Variants in DSG4 observed in about 807,000 individuals in gnomAD.
DSG4 encodes the protein desmoglein 4, also known as desmoglein-4.
A neutral mutation model predicts 93.1 loss-of-function variants in DSG4; 87 were observed. The ratio of observed to expected loss-of-function variants is 0.93; its 90% confidence interval spans 0.79 to 1.12. DSG4 has a LOEUF of 1.12. Among genes scored for constraint, DSG4 ranks in the 50% most tolerant of loss-of-function variants. The pLI is 0.00. For synonymous variants in DSG4, 432 were observed against 452.9 expected (o/e 0.95, Z 0.59); for missense variants, 1,373 against 1,285.7 (o/e 1.07, Z -1.04).
chr18:31,391,259 A>T lies in DSG4; in HGVS notation c.819+47A>T, dbSNP rs1386550363. On this transcript the variant is annotated intron_variant, in intron 7 of 15. Coordinates refer to ENST00000308128, the MANE Select transcript of DSG4 (RefSeq NM_177986.5). ...CCTTTTTCCATAAGTGTCAATAATC[A>T]ATTTGCATAAGTGTCAATAATCAAT... 5 of 1,610,544 alleles carry T rather than the reference A, an allele frequency of 3.1e-6. No homozygotes were observed. The Admixed American group carries it at 8.3e-5, about 27-fold the overall frequency.
At chr18:31,386,574 C>G in intron 2 of DSG4, 114 bp from the exon 3 acceptor site, 7 of 1,488,108 alleles carry the variant, frequency 4.7e-6, no homozygotes, top group Non-Finnish European at 6.5e-6. Context: ...ATTCTCTGTT[C>G]TTCAAATTCA....
Position 31,391,148 on chromosome 18 carries a change from A to G in DSG4, c.755A>G (p.Glu252Gly). 1 of 1,613,816 alleles carries G rather than the reference A, an allele frequency of 6.2e-7. No homozygotes were observed. The highest frequency in any genetic ancestry group is 8.5e-7 in the Non-Finnish European group (1 of 1,179,782). ...GGAGCTGCAGATGGACTGTCTTCTG[A>G]GTGTGACTGTAGAATCAAGGTTTTA... ...RDGAADGLSS[E>G]CDCRIKVLDV... The change falls in exon 7 of 16, where the codon GAG becomes GGG. Residue 252 changes from glutamate (E) to glycine (G), a missense_variant. Coordinates refer to ENST00000308128, the MANE Select transcript of DSG4 (RefSeq NM_177986.5).
chr18:31,385,040 A>C, intron 1 of DSG4, 96 bp from the exon 2 acceptor site: 3 of 1,075,644 alleles, frequency 2.8e-6, no homozygotes, highest in Non-Finnish European at 4.3e-6. Context: ...TATATTTAAA[A>C]ATGAATTAAT....
chr18:31,396,415 G>A (rs1016472609), intron 8 of DSG4, among the ~76,000 whole-genome samples: 1 of 137,436 alleles, frequency 7.3e-6, no homozygotes, highest in Non-Finnish European at 1.5e-5. Flanking sequence ...TCAGGCTGGA[G>A]TGCAGTGGTG....
intron 15 of DSG4, among the ~76,000 whole-genome samples, 160 bp from the exon 16 acceptor site, chr18:31,412,668 T>A (rs906009810): frequency 2.0e-5 from 3 of 152,224 alleles, no homozygotes; most frequent in African/African-American, 7.2e-5. Context: ...TATCACAGAA[T>A]GTGCATGGAT....
Position 31,412,990 on chromosome 18 carries a change from T to C in DSG4, c.2518T>C (p.Phe840Leu), listed in dbSNP as rs781505846. 4.3e-6 allele frequency: 7 copies of C among 1,614,036 alleles called. No homozygotes were observed. In the African/African-American group the frequency reaches 9.3e-5, roughly 22 times the overall value. Residue 840 changes from phenylalanine (F) to leucine (L), a missense_variant, in exon 16 of 16, where the codon TTT becomes CTT. Transcript: ENST00000308128. ...ESCMETLDPKFRTLAEICLNT... is the reference protein window; with the variant it reads ...ESCMETLDPKLRTLAEICLNT... ...CTGCATGGAAACTTTAGATCCAAAA[T>C]TTAGGACTCTTGCTGAGATCTGCTT...
At chr18:31,401,361 G>T (rs543708382) in intron 10 of DSG4, among the ~76,000 whole-genome samples, 1 of 152,086 alleles carries the variant, frequency 6.6e-6, no homozygotes, top group East Asian at 1.9e-4. Flanking sequence ...TAAGGGCTAC[G>T]TGCTCTACAA....
In DSG4 at chr18:31,413,466, G is replaced by T. The variant is rs1406984702; in HGVS notation, c.2994G>T (p.Gly998=). The T allele has an allele frequency of 2.5e-6, 4 of 1,611,906 alleles. No individual in the cohort carries two copies. The highest frequency in any genetic ancestry group is 1.1e-5 in the South Asian group (1 of 90,994). ...TGATGAGCGGCAATATTTTAGTAGG[G>T]CCAGAAATTCAAGTGATGCAAATGA... ...GPVMSGNILV[G]PEIQVMQMMS... Residue 998 remains glycine, a synonymous_variant, in exon 16 of 16, where the codon GGG becomes GGT. Coordinates refer to ENST00000308128, the MANE Select transcript of DSG4 (RefSeq NM_177986.5).
chr18:31,413,050 G>T lies in DSG4; in HGVS notation c.2578G>T (p.Ala860Ser). Residue 860 changes from alanine (A) to serine (S), a missense_variant, in exon 16 of 16, where the codon GCT (alanine) becomes TCT (serine). By Grantham distance (99) the Ala-to-Ser change is moderately conservative. Transcript: ENST00000308128. ...TEIEPFPSHQ[A>S]CIPISTDLPL... ...AATTGAACCATTTCCTTCACACCAG[G>T]CTTGTATACCAATCAGTACTGACCT... 6.2e-7 allele frequency: 1 copy of T among 1,614,080 alleles called. No homozygotes were observed. Among genetic ancestry groups the T allele is most frequent in the Non-Finnish European group, 8.5e-7 (1 of 1,180,006 alleles).
chr18:31,413,374 G>A lies in DSG4; in HGVS notation c.2902G>A (p.Val968Ile), dbSNP rs2072519543. The A allele has an allele frequency of 1.9e-6, 3 of 1,614,180 alleles. No homozygotes were observed. Among genetic ancestry groups the A allele is most frequent in the East Asian group, 2.2e-5 (1 of 44,878 alleles). Reference sequence around the variant, plus strand: ...CAACAATGTAATCTATGCTGAGAGAGTACTGGCTAGTCCTGGTGTGCCTGA... The same window carrying A: ...CAACAATGTAATCTATGCTGAGAGAATACTGGCTAGTCCTGGTGTGCCTGA... ...DYNNVIYAER[V>I]LASPGVPDMS... is the part of the protein sequence containing the mutation. Residue 968 changes from valine (V) to isoleucine (I), a missense_variant, in exon 16 of 16, where the codon GTA (valine) becomes ATA (isoleucine). Val to Ile is a conservative substitution (Grantham distance 29, BLOSUM62 3). Transcript: ENST00000308128.
intron 9 of DSG4, among the ~76,000 whole-genome samples, chr18:31,400,258 C>T (rs2072350340): frequency 6.6e-6 from 1 of 152,148 alleles, no homozygotes; most frequent in African/African-American, 2.4e-5. Context: ...GTTATTAAAT[C>T]AGTTAACAAA....
intron 1 of DSG4, among the ~76,000 whole-genome samples, chr18:31,381,913 C>T (rs1444294412): frequency 6.6e-6 from 1 of 151,836 alleles, no homozygotes; most frequent in East Asian, 1.9e-4. Context: ...TCGTGATCTG[C>T]CCACATCAGC....
intron 1 of DSG4, among the ~76,000 whole-genome samples, chr18:31,384,813 C>A (rs540445007): frequency 2.6e-4 from 39 of 152,242 alleles, no homozygotes; most frequent in African/African-American, 7.2e-4. Flanking sequence ...CTTCATTCTG[C>A]AGAGCCCTTT....
chr18:31,389,417 A>G lies in DSG4; in HGVS notation c.517+399A>G, dbSNP rs368872992. ...AGAGCGTGATGGTGGAAGCACACGCAATTGTACCCATCAGATCAATCACTA... is the reference window on the plus strand; with the variant it reads ...AGAGCGTGATGGTGGAAGCACACGCGATTGTACCCATCAGATCAATCACTA... On this transcript the variant is annotated intron_variant, in intron 5 of 15. Coordinates refer to ENST00000308128, the MANE Select transcript of DSG4 (RefSeq NM_177986.5). 1.1e-4 allele frequency among the ~76,000 whole-genome samples: 17 copies of G among 152,294 alleles called. 1 individual carries two copies. Among genetic ancestry groups the G allele is most frequent in the African/African-American group, 3.4e-4 (14 of 41,572 alleles).
At chr18:31,410,761 C>G (rs2072478275) in intron 14 of DSG4, among the ~76,000 whole-genome samples, 1 of 152,172 alleles carries the variant, frequency 6.6e-6, no homozygotes, top group East Asian at 1.9e-4. Flanking sequence ...CTTAGTATCC[C>G]AAGCTTGGCC....
chr18:31,411,732 T>TC (rs1312101943), intron 15 of DSG4, among the ~76,000 whole-genome samples: 1 of 152,150 alleles, frequency 6.6e-6, no homozygotes, highest in African/African-American at 2.4e-5. Context: ...TTTCCTTGAT[T>TC]CCTCACCTTG....
At chr18:31,391,498 G>A (rs893663900) in intron 7 of DSG4, among the ~76,000 whole-genome samples, 4 of 151,972 alleles carry the variant, frequency 2.6e-5, no homozygotes, top group African/African-American at 9.7e-5. Context: ...ATCTAACTCT[G>A]GGAATAACAT....
chr18:31,400,930 A>G lies in DSG4; in HGVS notation c.1327A>G (p.Thr443Ala). 1 of 1,612,720 alleles carries G rather than the reference A, an allele frequency of 6.2e-7. No homozygotes were observed. The highest frequency in any genetic ancestry group is 8.5e-7 in the Non-Finnish European group (1 of 1,179,136). Residue 443 changes from threonine (T) to alanine (A), a missense_variant, in exon 10 of 16, where the codon ACT (threonine) becomes GCT (alanine). By Grantham distance (58) the Thr-to-Ala change is moderately conservative. Coordinates refer to ENST00000308128, the MANE Select transcript of DSG4 (RefSeq NM_177986.5). ...AGSWLKIDSR[T>A]GEIQFSREFD... The stretch of plus-strand genomic sequence containing the variant: ...CAGCTGGTTAAAAATTGATTCAAGA[A>G]CTGGTGAGATACAATTTTCTAGAGA...
At chr18:31,408,028 C>G (rs952155989) in intron 12 of DSG4, among the ~76,000 whole-genome samples, 5 of 152,112 alleles carry the variant, frequency 3.3e-5, no homozygotes, top group Admixed American at 2.6e-4. Flanking sequence ...CTGACCCAGA[C>G]AAAGAAAGCA....
Sources: allele counts gnomAD v4.1 joint callset (sites outside exome capture counted in the v4.1 genomes callset), GRCh38; gene constraint gnomAD v4.1.1; transcripts MANE v1.5; gene names NCBI Gene and HGNC (gene_info 2026-07-23, HGNC 2026-07-21).